PTPRT: variants seen among roughly 807,000 people sequenced by gnomAD.
PTPRT encodes protein tyrosine phosphatase receptor type T.
Under a neutral mutation model 176.8 loss-of-function variants are expected in PTPRT, and 56 were observed. The ratio of observed to expected loss-of-function variants is 0.32; its 90% CI spans 0.26 to 0.40. PTPRT has a LOEUF of 0.40. Among genes scored for constraint, PTPRT ranks in the 10% least tolerant of loss-of-function variants. The pLI, the probability that PTPRT is intolerant of heterozygous loss-of-function variation, is 1.00. For synonymous variants in PTPRT, 783 were observed against 739.0 expected (o/e 1.06, Z -0.96); for missense variants, 1,540 against 1,908.2 (o/e 0.81, Z 3.60).
intron 5 of PTPRT, among the ~76,000 whole-genome samples, chr20:42,766,993 G>A (rs953012850): frequency 2.0e-5 from 3 of 152,108 alleles, no homozygotes; most frequent in African/African-American, 7.2e-5. Flanking sequence ...TATTATATGA[G>A]GCAGAACAAC....
chr20:42,833,507 C>CA (rs1337484492), intron 2 of PTPRT, among the ~76,000 whole-genome samples: 1 of 151,660 alleles, frequency 6.6e-6, no homozygotes, highest in Non-Finnish European at 1.5e-5. Context: ...TGATTGAGCC[C>CA]AGGAGCTCAA....
intron 7 of PTPRT, among the ~76,000 whole-genome samples, chr20:42,486,105 C>T (rs2071460078): frequency 6.6e-6 from 1 of 152,192 alleles, no homozygotes. Flanking sequence ...TTGTTGAGCA[C>T]CTCTCAGAAA....
chr20:43,178,413 T>A (rs2015170381), intron 1 of PTPRT, among the ~76,000 whole-genome samples: 1 of 152,198 alleles, frequency 6.6e-6, no homozygotes, highest in African/African-American at 2.4e-5. Flanking sequence ...AAGTTGTGAT[T>A]TCTGAGCTGA....
chr20:42,082,546 G>A (rs1012367557), intron 29 of PTPRT, among the ~76,000 whole-genome samples: 4 of 152,298 alleles, frequency 2.6e-5, no homozygotes, highest in Admixed American at 1.3e-4. Flanking sequence ...GTTAGCCTAG[G>A]GTCAGCCAGC....
intron 9 of PTPRT, among the ~76,000 whole-genome samples, chr20:42,393,562 A>C (rs77272105): frequency 6.6e-6 from 1 of 152,034 alleles, no homozygotes; most frequent in Non-Finnish European, 1.5e-5. Flanking sequence ...TCTTCCATAC[A>C]CCATTTCTCA....
intron 9 of PTPRT, among the ~76,000 whole-genome samples, chr20:42,425,766 G>A (rs565300555): frequency 6.6e-6 from 1 of 152,186 alleles, no homozygotes; most frequent in South Asian, 2.1e-4. Context: ...CAATAAAGCT[G>A]GGGTAAAAGA....
chr20:42,679,581 TAACATCC>T (rs1441936466), intron 6 of PTPRT, among the ~76,000 whole-genome samples: 1 of 152,196 alleles, frequency 6.6e-6, no homozygotes, highest in Non-Finnish European at 1.5e-5. Context: ...AAAATATCTC[TAACATCC>T]AACATAGCCA....
intron 5 of PTPRT, among the ~76,000 whole-genome samples, chr20:42,770,392 A>G (rs2077045263): frequency 6.6e-6 from 1 of 152,184 alleles, no homozygotes; most frequent in African/African-American, 2.4e-5. Flanking sequence ...TGCTGCCCCA[A>G]AAACTTGCTA....
At chr20:43,024,780 T>A (rs1985845303) in intron 1 of PTPRT, among the ~76,000 whole-genome samples, 1 of 152,142 alleles carries the variant, frequency 6.6e-6, no homozygotes, top group Admixed American at 6.5e-5. Flanking sequence ...TCCAAGATCA[T>A]CCCCAATGCC....
At chr20:42,100,181 TC>T (rs1462960935) in intron 26 of PTPRT, among the ~76,000 whole-genome samples, 7 of 152,226 alleles carry the variant, frequency 4.6e-5, no homozygotes, top group African/African-American at 1.7e-4. Flanking sequence ...AGTTTTCTTT[TC>T]TTTTTCCCTG....
At chr20:42,066,037 CTTT>C in the PTPRT span, among the ~76,000 whole-genome samples, 1 of 124,208 alleles carries the variant, frequency 8.1e-6, no homozygotes. Context: ...TAGTATATTA[CTTT>C]TTTTTTTTTT....
chr20:42,236,503 C>T (rs569373589), intron 14 of PTPRT, among the ~76,000 whole-genome samples: 1 of 151,920 alleles, frequency 6.6e-6, no homozygotes, highest in South Asian at 2.1e-4. Flanking sequence ...CATGGTCTCA[C>T]ATAGAGTAAG....
chr20:42,788,246 G>GGCCAGCT (rs2145531415), intron 3 of PTPRT, among the ~76,000 whole-genome samples: 1 of 112,688 alleles, frequency 8.9e-6, no homozygotes, highest in African/African-American at 3.3e-5. Flanking sequence ...CCCAAGGCCA[G>GGCCAGCT]CTCTGTCCCA....
chr20:42,430,393 G>C (rs764573436), intron 9 of PTPRT, among the ~76,000 whole-genome samples: 6 of 152,196 alleles, frequency 3.9e-5, no homozygotes, highest in Admixed American at 1.3e-4. Context: ...TCTTGTAACA[G>C]TGCAGACCCT....
In PTPRT at chr20:43,005,111, T is replaced by C. The variant is rs1003654535; in HGVS notation, c.89-119179A>G. Among the ~76,000 whole-genome samples the C allele has an allele frequency of 7.9e-5, 12 of 152,104 alleles. No individual in the cohort carries two copies. In the East Asian group the frequency reaches 2.3e-3, roughly 29 times the overall value. ...TGTTCCTCCTATAGTTCACATCCCCTCCTTTGCATCTCACCAGCACCCAGG... is the reference window on the plus strand; with the variant it reads ...TGTTCCTCCTATAGTTCACATCCCCCCCTTTGCATCTCACCAGCACCCAGG... On this transcript the variant is annotated intron_variant, in intron 1 of 30. Transcript: ENST00000373187.
intron 2 of PTPRT, among the ~76,000 whole-genome samples, chr20:42,854,929 A>T (rs2145773224): frequency 6.6e-6 from 1 of 152,286 alleles, no homozygotes; most frequent in South Asian, 2.1e-4. Context: ...TAAAAACCTA[A>T]TCCCATTGCC....
chr20:43,181,729 A>C (rs553306372), intron 1 of PTPRT, among the ~76,000 whole-genome samples: 1 of 152,290 alleles, frequency 6.6e-6, no homozygotes, highest in East Asian at 1.9e-4. Context: ...CAAACAAAAC[A>C]CCAAAAATAT....
intron 7 of PTPRT, among the ~76,000 whole-genome samples, chr20:42,539,482 T>C (rs113756343): frequency 0.015 from 2,247 of 151,756 alleles, 56 homozygotes; most frequent in African/African-American, 0.052. Context: ...ATGTCCTTAA[T>C]TGTGATCTAA....
intron 2 of PTPRT, among the ~76,000 whole-genome samples, chr20:42,837,301 A>G (rs2078198527): frequency 6.6e-6 from 1 of 152,180 alleles, no homozygotes; most frequent in South Asian, 2.1e-4. Flanking sequence ...AACCCCTGAC[A>G]CTCACAGGTC....
Sources: allele counts gnomAD v4.1 joint callset (sites outside exome capture counted in the v4.1 genomes callset), GRCh38; gene constraint gnomAD v4.1.1; transcripts MANE v1.5; gene names NCBI Gene and HGNC (gene_info 2026-07-23, HGNC 2026-07-21).